MICAL3: variants seen among roughly 807,000 people sequenced by gnomAD.
The protein encoded by MICAL3 is [F-actin]-monooxygenase MICAL3.
In MICAL3, 62 loss-of-function variants were observed where a neutral mutation model predicts 207.4. The observed-to-expected ratio is 0.30, with a 90% CI of 0.24 to 0.37. The LOEUF is 0.37. MICAL3 is among the 10% of genes least tolerant of loss of function. The pLI is 1.00. For missense variants in MICAL3, 2,368 were observed against 2,635.6 expected (o/e 0.90, Z 2.22); for synonymous variants, 1,077 against 1,069.3 (o/e 1.01, Z -0.14).
chr22:17,899,710 T>C (rs1477340001), intron 6 of MICAL3, among the ~76,000 whole-genome samples, 162 bp from the exon 7 acceptor site: 3 of 152,126 alleles, frequency 2.0e-5, no homozygotes, highest in Admixed American at 1.3e-4. Context: ...CATCAGTTCA[T>C]GGAAATACAG....
intron 29 of MICAL3, among the ~76,000 whole-genome samples, chr22:17,799,982 A>ACACACGCG (rs932512538): frequency 6.8e-6 from 1 of 147,654 alleles, no homozygotes; most frequent in African/African-American, 2.5e-5. Flanking sequence ...ACACACACAC[A>ACACACGCG]CGCGTTGGGA....
chr22:17,880,285 C>A (rs1029373428), intron 16 of MICAL3, among the ~76,000 whole-genome samples: 1 of 152,190 alleles, frequency 6.6e-6, no homozygotes, highest in Non-Finnish European at 1.5e-5. Context: ...CCTGGTAAAA[C>A]GGAGCCAGTA....
At chr22:17,953,364 C>A (rs1934444039) in intron 1 of MICAL3, among the ~76,000 whole-genome samples, 1 of 152,158 alleles carries the variant, frequency 6.6e-6, no homozygotes, top group African/African-American at 2.4e-5. Flanking sequence ...TCCTTCCCAC[C>A]TCTGAAACAA....
intron 16 of MICAL3, among the ~76,000 whole-genome samples, chr22:17,872,592 G>A (rs1232666946): frequency 6.6e-6 from 1 of 152,228 alleles, no homozygotes; most frequent in Admixed American, 6.5e-5. Context: ...AACTACTGCA[G>A]TCTTAGGAAT....
At chr22:17,922,658 A>G (rs184427088) in intron 1 of MICAL3, among the ~76,000 whole-genome samples, 30 of 152,260 alleles carry the variant, frequency 2.0e-4, no homozygotes, top group African/African-American at 7.2e-4. Context: ...GCTCGGGACG[A>G]AAGAAAACCA....
chr22:17,831,940 C>A lies in MICAL3; in HGVS notation c.2969G>T (p.Gly990Val). 1 of 1,576,988 alleles carries A rather than the reference C, an allele frequency of 6.3e-7. No homozygotes were observed. The change falls in exon 21 of 32, where the codon GGG becomes GTG. Residue 990 changes from glycine (G) to valine (V), a missense_variant. By Grantham distance (109) the Gly-to-Val change is moderately radical (BLOSUM62 -3). Coordinates refer to ENST00000441493, the MANE Select transcript of MICAL3 (RefSeq NM_015241.3). ...ELEASKSFGP[G>V]NEEEEEEEEE... is the part of the protein sequence containing the mutation. ...CTCCTCCTCCTCCTCCTCTTCATTC[C>A]CAGGCCCAAAGCTCTTTGAGGCCTC...
At position 17,896,904 on chromosome 22, in the gene MICAL3, C is replaced by T. The variant is rs148674116; in HGVS notation, c.1026G>A (p.Ala342=). ...QEALLSYARE[A]ADFSTQQQLP... is the part of the protein sequence containing the mutation. ...GCTGCTGCTGGGTAGAGAAGTCTGC[C>T]GCCTCCCTGGCATAGCTGAGCAGAG... The change falls in exon 8 of 32, where the codon GCG becomes GCA. Residue 342 remains alanine (A), a synonymous_variant. Transcript: ENST00000441493. 6.7e-4 allele frequency: 1,087 copies of T among 1,613,936 alleles called. 5 individuals are homozygous for T. The African/African-American group carries it at 0.012, about 18-fold the overall frequency.
At chr22:17,952,615 A>G (rs1287551748) in intron 1 of MICAL3, among the ~76,000 whole-genome samples, 1 of 152,232 alleles carries the variant, frequency 6.6e-6, no homozygotes, top group Non-Finnish European at 1.5e-5. Context: ...CACGCGCTAT[A>G]AAATACCAAG....
At chr22:18,000,577 T>C (rs1602384048) in intron 1 of MICAL3, among the ~76,000 whole-genome samples, 1 of 152,206 alleles carries the variant, frequency 6.6e-6, no homozygotes, top group East Asian at 1.9e-4. Flanking sequence ...GCGGCTGGCT[T>C]TCTGCTAGGC....
chr22:17,824,117 T>C (rs1279869324), intron 22 of MICAL3, among the ~76,000 whole-genome samples: 4 of 152,114 alleles, frequency 2.6e-5, no homozygotes, highest in Non-Finnish European at 5.9e-5. Flanking sequence ...CACTCCGAAC[T>C]TGCACCAGCA....
chr22:17,808,833 C>G lies in MICAL3; in HGVS notation c.5650+11G>C, dbSNP rs368543354. 5.0e-5 allele frequency: 77 copies of G among 1,550,738 alleles called. No individual in the cohort carries two copies. The highest frequency in any genetic ancestry group is 1.7e-4 in the Middle Eastern group (1 of 5,972). On this transcript the variant is annotated intron_variant, in intron 29 of 31. Coordinates refer to ENST00000441493, the MANE Select transcript of MICAL3 (RefSeq NM_015241.3). Reference sequence around the variant, plus strand: ...TCCAGGAGCAGAGCTTAGGAGGGAGCCCGGCAGTACCTGCTTCGCCCCGGA... The same window carrying G: ...TCCAGGAGCAGAGCTTAGGAGGGAGGCCGGCAGTACCTGCTTCGCCCCGGA...
At chr22:17,836,380 TAAGG>T (rs1000330507) in intron 20 of MICAL3, among the ~76,000 whole-genome samples, 1 of 152,200 alleles carries the variant, frequency 6.6e-6, no homozygotes, top group African/African-American at 2.4e-5. Context: ...GACCGAAGCC[TAAGG>T]AAGTTGGGTC....
chr22:17,877,203 G>A (rs1459054794), intron 16 of MICAL3, among the ~76,000 whole-genome samples: 43 of 88,184 alleles, frequency 4.9e-4, no homozygotes, highest in South Asian at 6.6e-4. Context: ...GGTTAGGGAG[G>A]TTATGGAGGT....
intron 1 of MICAL3, among the ~76,000 whole-genome samples, chr22:17,995,233 G>A (rs1408537330): frequency 1.3e-5 from 2 of 152,116 alleles, no homozygotes; most frequent in African/African-American, 4.8e-5. Context: ...CTGGAATGCA[G>A]TGGTGTGATT....
rs116257216 is a variant in MICAL3, at chr22:17,956,266, T to C, written c.-74-49380A>G. On this transcript the variant is annotated intron_variant, in intron 1 of 31. Coordinates refer to ENST00000441493, the MANE Select transcript of MICAL3 (RefSeq NM_015241.3). ...AGGGCCACATGTCAAGATCACAACT[T>C]CCAAACAGACAGTTGCAGAAAGGGG... Among the ~76,000 whole-genome samples the C allele has an allele frequency of 3.5e-3, 536 of 152,248 alleles. 5 individuals carry two copies. Among genetic ancestry groups the C allele is most frequent in the African/African-American group, 0.012 (512 of 41,540 alleles).
At position 17,921,328 on chromosome 22, in the gene MICAL3, T is replaced by C. The variant is rs529569921; in HGVS notation, c.-74-14442A>G. Among the ~76,000 whole-genome samples the C allele has an allele frequency of 7.2e-5, 11 of 152,350 alleles. No individual in the cohort carries two copies. In the South Asian group the frequency reaches 2.3e-3, roughly 32 times the overall value. ...ATCCCACTCTTTCTCCCTTAAATAC[T>C]GAAGCTCTCAAAATCATCTTCGGAG... On this transcript the variant is annotated intron_variant, in intron 1 of 31. Transcript: ENST00000441493.
At chr22:17,870,101 T>G (rs970809954) in intron 17 of MICAL3, among the ~76,000 whole-genome samples, 1 of 152,114 alleles carries the variant, frequency 6.6e-6, no homozygotes, top group African/African-American at 2.4e-5. Flanking sequence ...TGATGAAAAT[T>G]TTATCTGGGT....
Position 17,824,211 on chromosome 22 carries a change from C to T in MICAL3, c.3194-1151G>A, listed in dbSNP as rs372528917. ...CACAGGACCACTGGCCGGGGGCCTGCGGGCTCTCCTAGGGTTCAAGCCCAG... is the reference window on the plus strand; with the variant it reads ...CACAGGACCACTGGCCGGGGGCCTGTGGGCTCTCCTAGGGTTCAAGCCCAG... On this transcript the variant is annotated intron_variant, in intron 22 of 31. Transcript: ENST00000441493. 6.6e-5 allele frequency among the ~76,000 whole-genome samples: 10 copies of T among 152,266 alleles called. No individual in the cohort carries two copies. The East Asian group carries it at 1.5e-3, about 24-fold the overall frequency.
chr22:17,866,040 G>A, intron 17 of MICAL3, 28 bp from the exon 18 acceptor site: 1 of 1,555,740 alleles, frequency 6.4e-7, no homozygotes, highest in Non-Finnish European at 8.9e-7. Context: ...CAGGGACAGA[G>A]GCGATGAGCC....
Sources: gnomAD v4.1 joint callset for allele counts (sites outside exome capture counted in the v4.1 genomes callset) on GRCh38, gnomAD v4.1.1 for gene constraint, MANE v1.5 for transcripts, NCBI Gene and HGNC (gene_info 2026-07-23, HGNC 2026-07-21) for gene names.